TEN1: variants seen among roughly 807,000 people sequenced by gnomAD.
TEN1 encodes the protein TEN1 subunit of CST complex, also known as CST complex subunit TEN1.
A neutral mutation model predicts 9.3 loss-of-function variants in TEN1; 6 were observed. The observed-to-expected ratio is 0.65, with a 90% confidence interval of 0.35 to 1.27. The LOEUF (loss-of-function observed/expected upper bound fraction) is 1.27. Among genes scored for constraint, TEN1 ranks in the 50% most tolerant of loss-of-function variants. The pLI is 0.03. For missense variants in TEN1, 149 were observed against 158.2 expected, an observed-to-expected ratio of 0.94 and a Z score of 0.31; for synonymous variants, 65 against 65.6, an observed-to-expected ratio of 0.99 and a Z score of 0.04.
At position 76,000,001 on chromosome 17, in the gene TEN1, C is replaced by T. The variant is rs1169209124; in HGVS notation, c.251-140C>T. On this transcript the variant is annotated intron_variant, in intron 3 of 3. Coordinates refer to ENST00000397640, the MANE Select transcript of TEN1 (RefSeq NM_001113324.3). This position sits in a 1 kb window ranked among gnomAD's most constrained non-coding sequence, Gnocchi z 5.9. ...AGGCCCAAATACTCAGTTGCCTTTG[C>T]CCCATATGCTGTTATTGTCCACATC... The T allele has an allele frequency of 6.0e-6, 8 of 1,332,436 alleles. No homozygotes were observed. Among genetic ancestry groups the T allele is most frequent in the Non-Finnish European group, 3.0e-6 (3 of 997,246 alleles). The allele number at this position is 1,332,436 out of a possible 1,614,324, so 82.5% of individuals were successfully genotyped here. A position where few individuals can be genotyped will look rare whatever the true frequency, so the allele number is the denominator to read the frequency against.
At chr17:75,991,813 A>T (rs1297700107) in intron 3 of TEN1, among the ~76,000 whole-genome samples, 190 bp downstream of exon 3, 2 of 152,138 alleles carry the variant, frequency 1.3e-5, no homozygotes, top group African/African-American at 2.4e-5. Context: ...TCATGGTGCC[A>T]ACTCAAAGAC....
chr17:75,980,250 G>A (rs892350532), intron 1 of TEN1, among the ~76,000 whole-genome samples: 1 of 152,110 alleles, frequency 6.6e-6, no homozygotes, highest in East Asian at 1.9e-4. Flanking sequence ...GAGATGGGAT[G>A]GTGGCTTGAG....
At chr17:75,984,326 T>C (rs551800916) in intron 1 of TEN1, among the ~76,000 whole-genome samples, 5 of 152,346 alleles carry the variant, frequency 3.3e-5, no homozygotes, top group Admixed American at 2.0e-4. Flanking sequence ...AATGTGTTCC[T>C]TGTTCTGAAG....
chr17:75,979,407 C>G lies in TEN1; in HGVS notation c.-111C>G, dbSNP rs2066095931. On this transcript the variant is annotated 5_prime_UTR_variant, in exon 1 of 4. Transcript: ENST00000397640. ...TCAAGAAACTGCCCTGCTGGGCGTC[C>G]GGGGAGTGGGAAAATAAAGCACTTT... The G allele has an allele frequency of 2.1e-6, 1 of 466,704 alleles. No homozygotes were observed. Among genetic ancestry groups the G allele is most frequent in the African/African-American group, 2.0e-5 (1 of 50,056 alleles). The allele number at this position is 466,704 out of a possible 1,614,324, so 28.9% of individuals were successfully genotyped here.
intron 2 of TEN1, 69 bp downstream of exon 2, chr17:75,986,353 A>G: frequency 7.8e-7 from 1 of 1,289,168 alleles, no homozygotes; most frequent in Non-Finnish European, 1.1e-6. Flanking sequence ...ACCTCCAAAA[A>G]GACATAATTA....
At chr17:75,988,608 A>G (rs1405695459) in intron 2 of TEN1, among the ~76,000 whole-genome samples, 2 of 150,668 alleles carry the variant, frequency 1.3e-5, no homozygotes, top group African/African-American at 2.4e-5. Context: ...AGAAAGCAAT[A>G]TTTTAACCTA....
At chr17:75,985,354 C>G (rs2066145436) in intron 1 of TEN1, among the ~76,000 whole-genome samples, 1 of 151,942 alleles carries the variant, frequency 6.6e-6, no homozygotes, top group South Asian at 2.1e-4. Context: ...TGCCATGTTG[C>G]CCAGACTGGT....
At chr17:75,991,692 G>C (rs998939287) in intron 3 of TEN1, 69 bp downstream of exon 3, 1 of 1,496,184 alleles carries the variant, frequency 6.7e-7, no homozygotes, top group African/African-American at 1.4e-5. Flanking sequence ...GGGGCAGTCA[G>C]TGAGAAATGG....
In TEN1 at chr17:75,993,350, G is replaced by A. The variant is rs1243318669; in HGVS notation, c.250+1727G>A. ...GATCTCTTGACCTTGTGATCTGCCC[G>A]CCTCGGCCTCCCAAAGTGTTGGGAT... is the stretch of plus-strand genomic sequence containing the variant. On this transcript the variant is annotated intron_variant, in intron 3 of 3. Coordinates refer to ENST00000397640, the MANE Select transcript of TEN1 (RefSeq NM_001113324.3). Among the ~76,000 whole-genome samples the A allele has an allele frequency of 3.3e-5, 5 of 152,064 alleles. No individual in the cohort carries two copies. The South Asian group carries it at 6.2e-4, about 19-fold the overall frequency.
At position 76,000,335 on chromosome 17, in the gene TEN1, G is replaced by A. The variant is rs1395238563; in HGVS notation, c.*73G>A. The A allele has an allele frequency of 5.4e-6, 8 of 1,480,374 alleles. No homozygotes were observed. Among genetic ancestry groups the A allele is most frequent in the Non-Finnish European group, 7.2e-6 (8 of 1,109,016 alleles). 91.7% of individuals were successfully genotyped at this position (1,480,374 alleles called of 1,614,324 possible). On this transcript the variant is annotated 3_prime_UTR_variant, in exon 4 of 4. Transcript: ENST00000397640. This position sits in a 1 kb window ranked among gnomAD's most constrained non-coding sequence, Gnocchi z 5.9. ...TCTGGAGCTGCAGGAGCCCGGGAGAGCACAGACGCCTCCCCAGCGACGGCC... is the reference window on the plus strand; with the variant it reads ...TCTGGAGCTGCAGGAGCCCGGGAGAACACAGACGCCTCCCCAGCGACGGCC...
rs2066187133 is a variant in TEN1, at chr17:75,991,734, G to A, written c.250+111G>A. 9 of 1,296,456 alleles carry A rather than the reference G, an allele frequency of 6.9e-6. No individual in the cohort carries two copies. The South Asian group carries it at 7.5e-5, about 11-fold the overall frequency. The allele number at this position is 1,296,456 out of a possible 1,614,324, so 80.3% of individuals were successfully genotyped here. ...GACCCAACAGCAATGTCTCATCAGG[G>A]TTAATGTTTCTTCCAAATTAGCCCA... On this transcript the variant is annotated intron_variant, in intron 3 of 3. Transcript: ENST00000397640.
chr17:75,995,307 G>A (rs758528832), intron 3 of TEN1, among the ~76,000 whole-genome samples: 2 of 151,814 alleles, frequency 1.3e-5, no homozygotes, highest in Non-Finnish European at 1.5e-5. Context: ...AGGGAGGATC[G>A]CTTGAGCCCA....
Position 76,000,258 on chromosome 17 carries a change from A to C in TEN1, c.368A>C (p.Gln123Pro). ...RLYKQERGGS[Q>P] is the part of the protein sequence containing the mutation. Reference sequence around the variant, plus strand: ...TACAAGCAGGAGCGGGGCGGCAGCCAGTAGGAAACAGCAGCCTAGCAACAC... The same window carrying C: ...TACAAGCAGGAGCGGGGCGGCAGCCCGTAGGAAACAGCAGCCTAGCAACAC... The change falls in exon 4 of 4, where the codon CAG (glutamine) becomes CCG (proline). Residue 123 changes from glutamine to proline, a missense_variant. By Grantham distance (76) the Gln-to-Pro change is moderately conservative. Coordinates refer to ENST00000397640, the MANE Select transcript of TEN1 (RefSeq NM_001113324.3). The surrounding 1 kb of genome is among the most constrained non-coding windows in gnomAD (Gnocchi z 5.9). 1.3e-6 allele frequency: 2 copies of C among 1,551,132 alleles called. No homozygotes were observed. Among genetic ancestry groups the C allele is most frequent in the Non-Finnish European group, 1.7e-6 (2 of 1,146,788 alleles).
Position 76,000,108 on chromosome 17 carries a change from G to A in TEN1, c.251-33G>A. ...GAGGACGTTGTTGACACGCCGCTCAGTCGCCGTTCGTGCCCTGGTGTTTGT... is the reference window on the plus strand; with the variant it reads ...GAGGACGTTGTTGACACGCCGCTCAATCGCCGTTCGTGCCCTGGTGTTTGT... On this transcript the variant is annotated intron_variant, in intron 3 of 3. Coordinates refer to ENST00000397640, the MANE Select transcript of TEN1 (RefSeq NM_001113324.3). This position sits in a 1 kb window ranked among gnomAD's most constrained non-coding sequence, Gnocchi z 5.9. 6.5e-7 allele frequency: 1 copy of A among 1,546,990 alleles called. No individual in the cohort carries two copies. The highest frequency in any genetic ancestry group is 8.7e-7 in the Non-Finnish European group (1 of 1,143,698).
At chr17:75,992,501 A>C (rs1428667776) in intron 3 of TEN1, among the ~76,000 whole-genome samples, 1 of 148,880 alleles carries the variant, frequency 6.7e-6, no homozygotes, top group Non-Finnish European at 1.5e-5. Flanking sequence ...CACCAAACTC[A>C]GCCTTACTTC....
At chr17:75,998,716 A>T (rs924702987) in intron 3 of TEN1, among the ~76,000 whole-genome samples, 2 of 152,012 alleles carry the variant, frequency 1.3e-5, no homozygotes, top group Admixed American at 6.6e-5. Flanking sequence ...TTTGAGACAG[A>T]GTCTCACTCT....
intron 3 of TEN1, among the ~76,000 whole-genome samples, chr17:75,993,606 G>A (rs886471103): frequency 2.6e-5 from 4 of 152,138 alleles, no homozygotes; most frequent in Admixed American, 6.6e-5. Context: ...GATCAATGTC[G>A]ACGTGATAAA....
intron 1 of TEN1, among the ~76,000 whole-genome samples, chr17:75,985,762 G>T (rs1185568038): frequency 6.6e-6 from 1 of 150,496 alleles, no homozygotes; most frequent in Non-Finnish European, 1.5e-5. Flanking sequence ...GACCTCAGGT[G>T]ATCCGCCCGC....
chr17:75,996,722 A>AAG (rs1555622100), intron 3 of TEN1, among the ~76,000 whole-genome samples: 57 of 141,508 alleles, frequency 4.0e-4, no homozygotes, highest in East Asian at 2.0e-3. Flanking sequence ...AAAAAAAAAA[A>AAG]AGAGAGAGAG....
Sources: allele counts gnomAD v4.1 joint callset (sites outside exome capture counted in the v4.1 genomes callset), GRCh38; gene constraint gnomAD v4.1.1; non-coding constraint Gnocchi (gnomAD v3.1); transcripts MANE v1.5; gene names NCBI Gene and HGNC (gene_info 2026-07-23, HGNC 2026-07-21).